PCDH15: variants seen among roughly 807,000 people sequenced by gnomAD.
PCDH15 encodes the protein protocadherin-15.
A neutral mutation model predicts 178.5 loss-of-function variants in PCDH15; 129 were observed. The ratio of observed to expected loss-of-function variants is 0.72; its 90% CI spans 0.63 to 0.84. The LOEUF (loss-of-function observed/expected upper bound fraction) is 0.84, where lower values mean the gene tolerates loss of function less well. Ranked by LOEUF, PCDH15 falls within the 40% of genes least tolerant of loss-of-function variation. The probability of loss-of-function intolerance (pLI) is 0.00; values close to 1 mark genes in which losing one functional copy is unlikely to be tolerated. For synonymous variants in PCDH15, 800 were observed against 732.0 expected, an observed-to-expected ratio of 1.09 and a Z score of -1.50; for missense variants, 2,230 against 2,099.9, an observed-to-expected ratio of 1.06 and a Z score of -1.21.
chr10:53,969,301 T>G (rs886904396), intron 21 of PCDH15, among the ~76,000 whole-genome samples: 1 of 151,738 alleles, frequency 6.6e-6, no homozygotes, highest in African/African-American at 2.4e-5. Context: ...GAAGAGAAGT[T>G]TAGAGAAAAA....
intron 2 of PCDH15, among the ~76,000 whole-genome samples, chr10:55,507,007 A>G (rs914017536): frequency 6.6e-6 from 1 of 151,534 alleles, no homozygotes; most frequent in African/African-American, 2.4e-5. Context: ...AAGATTATAT[A>G]TAGGTATATA....
intron 3 of PCDH15, among the ~76,000 whole-genome samples, chr10:54,834,588 AAAAG>A (rs1365579338): frequency 1.3e-5 from 2 of 152,182 alleles, no homozygotes; most frequent in African/African-American, 4.8e-5. Context: ...ACAAGGAAAA[AAAAG>A]AAAGAAACAA....
Position 54,986,900 on chromosome 10 carries a change from ATTTTAC to A in PCDH15, c.-79-89406_-79-89401del, listed in dbSNP as rs545769628. Among the ~76,000 whole-genome samples, 328 of 152,080 alleles carry A rather than the reference ATTTTAC, an allele frequency of 2.2e-3. 1 individual carries two copies. Among genetic ancestry groups the A allele is most frequent in the African/African-American group, 7.5e-3 (311 of 41,492 alleles). On this transcript the variant is annotated intron_variant, in intron 2 of 5. Transcript: ENST00000458638. ...TTTCCTGAAAAACTTTTTATTTTTC[ATTTTAC>A]TTTAAGTTTCAGGATACATGTGCAG...
chr10:53,851,802 C>A (rs937971476), intron 28 of PCDH15, among the ~76,000 whole-genome samples: 1 of 148,568 alleles, frequency 6.7e-6, no homozygotes, highest in Non-Finnish European at 1.5e-5. Context: ...GGCTACATTT[C>A]TAATGTAGGT....
intron 8 of PCDH15, among the ~76,000 whole-genome samples, chr10:54,259,181 G>A (rs563987212): frequency 6.3e-4 from 96 of 152,286 alleles, no homozygotes; most frequent in African/African-American, 2.1e-3. Context: ...AAATTGCATG[G>A]CATTTAACAG....
chr10:54,521,861 G>A (rs1017318878), intron 3 of PCDH15, among the ~76,000 whole-genome samples: 3 of 151,864 alleles, frequency 2.0e-5, no homozygotes, highest in African/African-American at 7.3e-5. Context: ...AGGCCGAGGC[G>A]GGTGGATCAC....
intron 1 of PCDH15, among the ~76,000 whole-genome samples, chr10:54,699,932 A>G (rs2095285945): frequency 6.6e-6 from 1 of 152,088 alleles, no homozygotes. Context: ...TAATGATTAT[A>G]TTTTATGTAT....
chr10:54,533,893 G>T (rs2084202222), intron 2 of PCDH15, among the ~76,000 whole-genome samples: 1 of 152,108 alleles, frequency 6.6e-6, no homozygotes, highest in Non-Finnish European at 1.5e-5. Context: ...ATATTATAGT[G>T]GTTGTGAACA....
intron 1 of PCDH15, among the ~76,000 whole-genome samples, chr10:54,733,822 C>T (rs1591351301): frequency 8.6e-6 from 1 of 116,834 alleles, no homozygotes; most frequent in Non-Finnish European, 1.8e-5. Context: ...GACAAAGTTG[C>T]TTTAAAGACA....
chr10:54,035,646 T>C (rs1295741513), intron 18 of PCDH15, among the ~76,000 whole-genome samples: 1 of 151,932 alleles, frequency 6.6e-6, no homozygotes, highest in East Asian at 1.9e-4. Flanking sequence ...TCCTATTCTC[T>C]GAGACACAGT....
At chr10:53,827,055 T>G (rs556052990) in intron 32 of PCDH15, among the ~76,000 whole-genome samples, 2 of 151,752 alleles carry the variant, frequency 1.3e-5, no homozygotes, top group South Asian at 4.1e-4. Flanking sequence ...TATTTATATA[T>G]TTATACATAT....
At chr10:54,440,096 G>A (rs2075704879) in intron 3 of PCDH15, among the ~76,000 whole-genome samples, 1 of 151,966 alleles carries the variant, frequency 6.6e-6, no homozygotes, top group African/African-American at 2.4e-5. Context: ...AATGGATGCT[G>A]GCAATTGACT....
At chr10:54,815,908 T>C (rs976055426) in intron 3 of PCDH15, among the ~76,000 whole-genome samples, 5 of 152,118 alleles carry the variant, frequency 3.3e-5, no homozygotes, top group Admixed American at 6.6e-5. Flanking sequence ...ATTGGAAAAA[T>C]ACACTCTATA....
chr10:55,132,942 G>GT (rs955219377), intron 2 of PCDH15, among the ~76,000 whole-genome samples: 2 of 152,098 alleles, frequency 1.3e-5, no homozygotes, highest in Non-Finnish European at 2.9e-5. Flanking sequence ...TGGTTACTTG[G>GT]TTTTAAGCCA....
chr10:55,208,361 A>C (rs898070912), intron 1 of PCDH15, among the ~76,000 whole-genome samples: 6 of 152,042 alleles, frequency 3.9e-5, no homozygotes, highest in South Asian at 2.1e-4. Flanking sequence ...TCTTGTAAAG[A>C]GTCATCTCTG....
chr10:54,986,744 G>T (rs942208588), intron 2 of PCDH15, among the ~76,000 whole-genome samples: 1 of 151,990 alleles, frequency 6.6e-6, no homozygotes, highest in South Asian at 2.1e-4. Flanking sequence ...TGTAACTACC[G>T]CTTTGATGTG....
At chr10:55,492,219 A>C (rs1198337288) in intron 2 of PCDH15, among the ~76,000 whole-genome samples, 1 of 150,996 alleles carries the variant, frequency 6.6e-6, no homozygotes, top group Non-Finnish European at 1.5e-5. Context: ...ACCATACAGC[A>C]AAAAAAAAGA....
intron 2 of PCDH15, among the ~76,000 whole-genome samples, chr10:55,327,019 G>T (rs993404009): frequency 6.6e-6 from 1 of 152,126 alleles, no homozygotes; most frequent in Non-Finnish European, 1.5e-5. Context: ...AAATGTTGCT[G>T]TGGAATGACT....
intron 2 of PCDH15, among the ~76,000 whole-genome samples, chr10:55,082,652 T>A (rs893307490): frequency 7.0e-6 from 1 of 142,752 alleles, no homozygotes; most frequent in Non-Finnish European, 1.6e-5. Flanking sequence ...AATTGACAAA[T>A]CTTGAATTAA....
Sources: allele counts gnomAD v4.1 joint callset (sites outside exome capture counted in the v4.1 genomes callset), GRCh38; gene constraint gnomAD v4.1.1; transcripts MANE v1.5; gene names NCBI Gene and HGNC (gene_info 2026-07-23, HGNC 2026-07-21).